CHD6: variants seen among roughly 807,000 people sequenced by gnomAD.
CHD6 encodes ATP-dependent chromatin remodeler CHD6.
In CHD6, 50 loss-of-function variants were observed where a neutral mutation model predicts 276.9. That is an observed-to-expected ratio of 0.18 (90% CI 0.14 to 0.23). CHD6 has a LOEUF of 0.23. CHD6 is among the 10% of genes least tolerant of loss of function. The pLI is 1.00. For synonymous variants in CHD6, 1,173 were observed against 1,229.3 expected, an observed-to-expected ratio of 0.95 and a Z score of 0.96; for missense variants, 2,564 against 3,365.8, an observed-to-expected ratio of 0.76 and a Z score of 5.89.
rs1014879846 is a variant in CHD6, at chr20:41,473,765, A to G, written c.2469-248T>C. 1.3e-5 allele frequency among the ~76,000 whole-genome samples: 2 copies of G among 152,110 alleles called. No homozygotes were observed. The highest frequency in any genetic ancestry group is 4.8e-5 in the African/African-American group (2 of 41,422). On this transcript the variant is annotated intron_variant, in intron 16 of 36. Coordinates refer to ENST00000373233, the MANE Select transcript of CHD6 (RefSeq NM_032221.5). This position sits in a 1 kb window ranked among gnomAD's most constrained non-coding sequence, Gnocchi z 4.1. The stretch of plus-strand genomic sequence containing the variant: ...AAAAAACAAAACAAAGCAAAAAAAA[A>G]CCAGCTGTAAACTAAGAAGGACTAG...
chr20:41,490,282 G>A lies in CHD6; in HGVS notation c.1437-261C>T, dbSNP rs181849318. Among the ~76,000 whole-genome samples, 235 of 152,200 alleles carry A rather than the reference G, an allele frequency of 1.5e-3. 1 individual carries two copies. In the Middle Eastern group the frequency reaches 0.02, roughly 13 times the overall value. The stretch of plus-strand genomic sequence containing the variant: ...CACACTCCGAGAAACGCATCACTGC[G>A]TGACTGTTTCATTGTGGGAACATCA... On this transcript the variant is annotated intron_variant, in intron 11 of 36. Transcript: ENST00000373233.
At position 41,533,311 on chromosome 20, in the gene CHD6, T is replaced by C; in HGVS notation, c.293A>G (p.Lys98Arg). 1 of 1,614,138 alleles carries C rather than the reference T, an allele frequency of 6.2e-7. No individual in the cohort carries two copies. The highest frequency in any genetic ancestry group is 8.5e-7 in the Non-Finnish European group (1 of 1,180,022). Residue 98 changes from lysine (K) to arginine (R), a missense_variant, in exon 3 of 37, where the codon AAA (lysine) becomes AGA (arginine). Around this residue, in one of 7 missense-constraint regions of CHD6, gnomAD observed 286 missense variants for 297.8 expected, o/e 0.96. Coordinates refer to ENST00000373233, the MANE Select transcript of CHD6 (RefSeq NM_032221.5). ...ACCCTCTTGGTCTCCTGGCTCCTTTTTCTTCCGTTTCTTCTTCACTCCAGT... is the reference window on the plus strand; with the variant it reads ...ACCCTCTTGGTCTCCTGGCTCCTTTCTCTTCCGTTTCTTCTTCACTCCAGT... ...GGTGVKKKRK[K>R]KEPGDQEGAA...
intron 19 of CHD6, among the ~76,000 whole-genome samples, chr20:41,455,175 C>T (rs973638961): frequency 1.3e-5 from 2 of 152,128 alleles, no homozygotes; most frequent in African/African-American, 4.8e-5. Context: ...CCATATCCTC[C>T]TTATAAAACA....
chr20:41,471,123 C>T (rs1006522129), intron 17 of CHD6, among the ~76,000 whole-genome samples: 1 of 152,186 alleles, frequency 6.6e-6, no homozygotes, highest in African/African-American at 2.4e-5. Context: ...GTTTTGTTGG[C>T]TATGAGGTCT....
Position 41,491,601 on chromosome 20 carries a change from C to A in CHD6, c.1436+97G>T, listed in dbSNP as rs147077568. The A allele has an allele frequency of 1.1e-4, 157 of 1,377,012 alleles. No individual in the cohort carries two copies. Among genetic ancestry groups the A allele is most frequent in the Non-Finnish European group, 1.5e-4 (143 of 976,512 alleles). 85.3% of individuals were successfully genotyped at this position (1,377,012 alleles called of 1,614,324 possible). A position where few individuals can be genotyped will look rare whatever the true frequency, so the allele number is the denominator to read the frequency against. On this transcript the variant is annotated intron_variant, in intron 11 of 36. Transcript: ENST00000373233. ...ACCCTAAATTGATGGCCATGCTGCT[C>A]CCTCTCACCAGTCTGCTACTGCGAC...
intron 25 of CHD6, among the ~76,000 whole-genome samples, 166 bp from the exon 26 acceptor site, chr20:41,440,295 G>C (rs1271777332): frequency 6.6e-6 from 1 of 152,190 alleles, no homozygotes; most frequent in African/African-American, 2.4e-5. Context: ...GAAAAATCCT[G>C]GTGCTAAAGC....
intron 2 of CHD6, among the ~76,000 whole-genome samples, chr20:41,544,688 AAT>A (rs900207844): frequency 5.3e-5 from 8 of 150,196 alleles, no homozygotes; most frequent in Non-Finnish European, 1.0e-4. Context: ...TACTAATTAA[AAT>A]ATTAGTATTT....
intron 3 of CHD6, among the ~76,000 whole-genome samples, chr20:41,522,657 C>T (rs1001803413): frequency 4.0e-5 from 6 of 151,580 alleles, no homozygotes; most frequent in African/African-American, 7.3e-5. Flanking sequence ...CACGCGTGCG[C>T]GCACACACAC....
chr20:41,472,005 G>T (rs898873081), intron 17 of CHD6, among the ~76,000 whole-genome samples: 5 of 151,974 alleles, frequency 3.3e-5, no homozygotes, highest in Non-Finnish European at 7.4e-5. Context: ...AGGCCGAGGC[G>T]GGCGGATCAC....
intron 1 of CHD6, among the ~76,000 whole-genome samples, chr20:41,609,121 C>T (rs2045859265): frequency 6.6e-6 from 1 of 152,174 alleles, no homozygotes. Flanking sequence ...ACTGGGCTTT[C>T]CACTTCTTTA....
chr20:41,567,679 T>C (rs1457794078), intron 1 of CHD6, among the ~76,000 whole-genome samples: 2 of 152,144 alleles, frequency 1.3e-5, no homozygotes. Context: ...TCAAATGCTC[T>C]TCCCATGTGA....
Position 41,452,071 on chromosome 20 carries a change from G to C in CHD6, c.3324-46C>G. On this transcript the variant is annotated intron_variant, in intron 21 of 36. Coordinates refer to ENST00000373233, the MANE Select transcript of CHD6 (RefSeq NM_032221.5). This position sits in a 1 kb window ranked among gnomAD's most constrained non-coding sequence, Gnocchi z 4.2. ...AGGTGTTGGAGGGAGAATGGACCAG[G>C]CCATGCAGGCAGCCTCCCCACAGGA... is the stretch of plus-strand genomic sequence containing the variant. 1 of 1,467,542 alleles carries C rather than the reference G, an allele frequency of 6.8e-7. No homozygotes were observed. 90.9% of individuals were successfully genotyped at this position (1,467,542 alleles called of 1,614,324 possible).
At chr20:41,467,561 GA>G (rs11472253) in intron 17 of CHD6, among the ~76,000 whole-genome samples, 5,473 of 39,054 alleles carry the variant, frequency 0.14, 203 homozygotes, top group African/African-American at 0.29. Context: ...TTCTGACAAT[GA>G]AAAAAAAAAA....
chr20:41,576,352 C>T (rs555051965), intron 1 of CHD6, among the ~76,000 whole-genome samples: 14 of 152,344 alleles, frequency 9.2e-5, no homozygotes, highest in Middle Eastern at 3.4e-3. Flanking sequence ...CCCTTGAGGC[C>T]TTTACTGTTA....
intron 1 of CHD6, among the ~76,000 whole-genome samples, chr20:41,602,611 T>C (rs990259866): frequency 6.6e-6 from 1 of 152,214 alleles, no homozygotes; most frequent in Admixed American, 6.5e-5. Context: ...CCTCGCACTG[T>C]CATGCTTTTA....
In CHD6 at chr20:41,452,659, A is replaced by G. The variant is rs1053546774; in HGVS notation, c.3323+81T>C. The G allele has an allele frequency of 7.9e-7, 1 of 1,270,494 alleles. No individual in the cohort carries two copies. The highest frequency in any genetic ancestry group is 1.8e-5 in the Admixed American group (1 of 54,480). 78.7% of individuals were successfully genotyped at this position (1,270,494 alleles called of 1,614,324 possible). A position where few individuals can be genotyped will look rare whatever the true frequency, so the allele number is the denominator to read the frequency against. On this transcript the variant is annotated intron_variant, in intron 21 of 36. Coordinates refer to ENST00000373233, the MANE Select transcript of CHD6 (RefSeq NM_032221.5). This position sits in a 1 kb window ranked among gnomAD's most constrained non-coding sequence, Gnocchi z 4.2. ...TAATTCCAAAGGTGACTGGAGAGAC[A>G]TCCTAGACAAATCTCAGGGACTGAA...
intron 1 of CHD6, among the ~76,000 whole-genome samples, chr20:41,579,455 A>AAAAAAAAAAAAT (rs2045512670): frequency 4.7e-5 from 7 of 150,496 alleles, no homozygotes; most frequent in African/African-American, 9.8e-5. Flanking sequence ...AAAAAAAAAA[A>AAAAAAAAAAAAT]TCTTAAAAGG....
At chr20:41,530,432 A>G (rs2044655621) in intron 3 of CHD6, among the ~76,000 whole-genome samples, 1 of 152,212 alleles carries the variant, frequency 6.6e-6, no homozygotes, top group Admixed American at 6.5e-5. Context: ...ATTTATAACC[A>G]TCAAGTATTA....
chr20:41,524,848 T>C (rs1400082570), intron 3 of CHD6, among the ~76,000 whole-genome samples: 1 of 152,232 alleles, frequency 6.6e-6, no homozygotes, highest in Non-Finnish European at 1.5e-5. Context: ...TCATGACCCA[T>C]TCTTGTGTTG....
Sources: gnomAD v4.1 joint callset for allele counts (sites outside exome capture counted in the v4.1 genomes callset) on GRCh38, gnomAD v4.1.1 for gene constraint, gnomAD v4.1.1 regional missense constraint, Gnocchi (gnomAD v3.1) non-coding constraint, MANE v1.5 for transcripts, NCBI Gene and HGNC (gene_info 2026-07-23, HGNC 2026-07-21) for gene names.